NFIA: variants seen among roughly 807,000 people sequenced by gnomAD.
The protein encoded by NFIA is nuclear factor 1 A-type.
A neutral mutation model predicts 62.8 loss-of-function variants in NFIA; 8 were observed. That is an observed-to-expected ratio of 0.13 (90% CI 0.07 to 0.23). NFIA has a LOEUF of 0.23. NFIA is among the 10% of genes least tolerant of loss of function. The pLI is 1.00. For synonymous variants in NFIA, 235 were observed against 238.1 expected, an observed-to-expected ratio of 0.99 and a Z score of 0.12; for missense variants, 410 against 642.1, an observed-to-expected ratio of 0.64 and a Z score of 3.91.
chr1:61,086,679 A>C lies in NFIA; in HGVS notation c.28-1470A>C, dbSNP rs144975691. On this transcript the variant is annotated intron_variant, in intron 1 of 10. Coordinates refer to ENST00000403491, the MANE Select transcript of NFIA (RefSeq NM_001134673.4). ...TACTTTTAAAAGCTCAGTCATATAG[A>C]GTGTTTAAATGATTGATTATAATTT... 7.2e-5 allele frequency among the ~76,000 whole-genome samples: 11 copies of C among 152,210 alleles called. No individual in the cohort carries two copies. The East Asian group carries it at 2.1e-3, about 29-fold the overall frequency.
rs562767733 is a variant in NFIA at position 61,147,800 on chromosome 1, G to T, written c.559+59120G>T. Among the ~76,000 whole-genome samples the T allele has an allele frequency of 1.3e-5, 2 of 151,952 alleles. 1 individual carries two copies. Among genetic ancestry groups the T allele is most frequent in the African/African-American group, 4.8e-5 (2 of 41,328 alleles). On this transcript the variant is annotated intron_variant, in intron 2 of 10. Coordinates refer to ENST00000403491, the MANE Select transcript of NFIA (RefSeq NM_001134673.4). Reference sequence around the variant, plus strand: ...ACTGAAGTGTGTGCCCTGAAACTTCGGTTGGATTAAGAAAAGTAGCTTGGT... The same window carrying T: ...ACTGAAGTGTGTGCCCTGAAACTTCTGTTGGATTAAGAAAAGTAGCTTGGT...
chr1:61,083,757 C>CACG (rs1553148690), intron 1 of NFIA, among the ~76,000 whole-genome samples: 1 of 150,954 alleles, frequency 6.6e-6, no homozygotes, highest in Non-Finnish European at 1.5e-5. Context: ...CACGGCTCCC[C>CACG]CCGCCGCCGC....
intron 1 of NFIA, among the ~76,000 whole-genome samples, chr1:61,087,764 G>C (rs1465131799): frequency 1.3e-5 from 2 of 152,130 alleles, no homozygotes; most frequent in African/African-American, 4.8e-5. Context: ...TGAGGTCAAG[G>C]CTGGGACAAA....
chr1:61,413,240 C>T (rs1666185125), intron 9 of NFIA, among the ~76,000 whole-genome samples: 1 of 151,968 alleles, frequency 6.6e-6, no homozygotes. Flanking sequence ...ATTCATTATA[C>T]AAATGAATAT....
chr1:61,451,524 A>G (rs980906540), intron 10 of NFIA, among the ~76,000 whole-genome samples: 2 of 152,130 alleles, frequency 1.3e-5, no homozygotes, highest in African/African-American at 4.8e-5. Context: ...TTCACCTTGA[A>G]CATTGAAAGA....
At chr1:61,325,875 G>A (rs2100378234) in intron 3 of NFIA, among the ~76,000 whole-genome samples, 1 of 143,424 alleles carries the variant, frequency 7.0e-6, no homozygotes, top group Non-Finnish European at 1.5e-5. Flanking sequence ...GGAGCTTGCA[G>A]TGAGCCGAAA....
At chr1:61,304,285 A>AAG (rs376576764) in intron 3 of NFIA, among the ~76,000 whole-genome samples, 5 of 151,326 alleles carry the variant, frequency 3.3e-5, no homozygotes, top group Admixed American at 6.6e-5. Context: ...AAAAAAGAAA[A>AAG]AGAGAGAGAG....
chr1:61,283,328 T>C (rs1658250927), intron 3 of NFIA, among the ~76,000 whole-genome samples: 1 of 151,624 alleles, frequency 6.6e-6, no homozygotes, highest in African/African-American at 2.4e-5. Context: ...CCTAGCACTT[T>C]GGGAGGCCAA....
At chr1:61,387,122 A>C (rs974313321) in intron 7 of NFIA, among the ~76,000 whole-genome samples, 1 of 152,202 alleles carries the variant, frequency 6.6e-6, no homozygotes, top group South Asian at 2.1e-4. Flanking sequence ...AGAGGGCCAC[A>C]GACATTCAGC....
At chr1:61,384,534 G>T (rs548002354) in intron 7 of NFIA, among the ~76,000 whole-genome samples, 1 of 152,040 alleles carries the variant, frequency 6.6e-6, no homozygotes, top group Admixed American at 6.6e-5. Context: ...GCTTACTATC[G>T]ATATATAATT....
intron 3 of NFIA, among the ~76,000 whole-genome samples, chr1:61,291,625 T>A (rs1396560344): frequency 6.6e-6 from 1 of 152,208 alleles, no homozygotes; most frequent in Non-Finnish European, 1.5e-5. Flanking sequence ...AGCAAGTGAG[T>A]GCCTGCTTCA....
chr1:61,318,562 G>A (rs1334972925), intron 3 of NFIA, among the ~76,000 whole-genome samples: 2 of 152,138 alleles, frequency 1.3e-5, no homozygotes, highest in Admixed American at 6.6e-5. Flanking sequence ...CTTGGCAGAC[G>A]CTCCCATGAA....
At chr1:61,192,854 C>G (rs1163413336) in intron 2 of NFIA, among the ~76,000 whole-genome samples, 3 of 152,172 alleles carry the variant, frequency 2.0e-5, no homozygotes, top group Non-Finnish European at 4.4e-5. Context: ...CCATAAATCA[C>G]CCATGGTAAT....
At chr1:61,266,653 G>A (rs144397465) in intron 2 of NFIA, among the ~76,000 whole-genome samples, 15,585 of 152,094 alleles carry the variant, frequency 0.1, 889 homozygotes, top group East Asian at 0.17. Flanking sequence ...GCCCACCTCG[G>A]CCTCCCAAAG....
chr1:61,412,203 G>A (rs998650523), intron 9 of NFIA, among the ~76,000 whole-genome samples: 2 of 152,114 alleles, frequency 1.3e-5, no homozygotes, highest in African/African-American at 4.8e-5. Context: ...ATATAAAAGT[G>A]AACAAAACAG....
chr1:61,146,808 A>G (rs1648042100), intron 2 of NFIA, among the ~76,000 whole-genome samples: 1 of 149,768 alleles, frequency 6.7e-6, no homozygotes, highest in Non-Finnish European at 1.5e-5. Context: ...CTGTGTATCA[A>G]TGAATGGATT....
chr1:61,086,312 A>G (rs1646217945), intron 1 of NFIA, among the ~76,000 whole-genome samples: 1 of 152,152 alleles, frequency 6.6e-6, no homozygotes, highest in African/African-American at 2.4e-5. Flanking sequence ...GAATTTAGTA[A>G]CGTTTAGATG....
intron 2 of NFIA, among the ~76,000 whole-genome samples, chr1:61,274,614 G>A (rs909861549): frequency 3.9e-5 from 6 of 152,164 alleles, no homozygotes; most frequent in African/African-American, 1.4e-4. Context: ...AATCAACCAC[G>A]TGATATTTGT....
At chr1:61,218,647 T>C (rs1653803225) in intron 2 of NFIA, among the ~76,000 whole-genome samples, 1 of 152,262 alleles carries the variant, frequency 6.6e-6, no homozygotes, top group Non-Finnish European at 1.5e-5. Context: ...TATGTATTTT[T>C]GAAATCCTTT....
Sources: gnomAD v4.1 joint callset for allele counts (sites outside exome capture counted in the v4.1 genomes callset) on GRCh38, gnomAD v4.1.1 for gene constraint, MANE v1.5 for transcripts, NCBI Gene and HGNC (gene_info 2026-07-23, HGNC 2026-07-21) for gene names.